The following AHCY variants were observed in gnomAD, a reference collection of about 807,000 sequenced individuals.
AHCY encodes the protein adenosylhomocysteinase.
AHCY carries 24 observed loss-of-function variants against 45.4 expected under a neutral mutation model. The ratio of observed to expected loss-of-function variants is 0.53; its 90% CI spans 0.38 to 0.74. AHCY has a LOEUF of 0.74. Ranked by LOEUF, AHCY falls within the 30% of genes least tolerant of loss-of-function variation. The pLI, the probability that AHCY is intolerant of heterozygous loss-of-function variation, is 0.00. For missense variants in AHCY, 449 were observed against 594.1 expected (o/e 0.76, Z 2.54); for synonymous variants, 245 against 235.1 (o/e 1.04, Z -0.39).
rs748415287 is a variant in AHCY, at chr20:34,290,662, G to C, written c.767-24C>G. On this transcript the variant is annotated intron_variant, in intron 6 of 9. Coordinates refer to ENST00000217426, the MANE Select transcript of AHCY (RefSeq NM_000687.4). The surrounding 1 kb of genome is among the most constrained non-coding windows in gnomAD (Gnocchi z 4.5). Reference sequence around the variant, plus strand: ...GCCTGTGCAGAGACAGTGGCTGTGGGTCATCTACGGTGGCCTTGCCCCTCC... The same window carrying C: ...GCCTGTGCAGAGACAGTGGCTGTGGCTCATCTACGGTGGCCTTGCCCCTCC... The C allele has an allele frequency of 8.7e-6, 14 of 1,613,882 alleles. No homozygotes were observed. The highest frequency in any genetic ancestry group is 1.1e-5 in the Non-Finnish European group (13 of 1,179,970).
rs867386336 is a variant in AHCY, at chr20:34,290,173, A to G, written c.972+159T>C. 1.3e-5 allele frequency among the ~76,000 whole-genome samples: 2 copies of G among 152,172 alleles called. No homozygotes were observed. Among genetic ancestry groups the G allele is most frequent in the Non-Finnish European group, 2.9e-5 (2 of 68,028 alleles). On this transcript the variant is annotated intron_variant, in intron 8 of 9. Transcript: ENST00000217426. The surrounding 1 kb of genome is among the most constrained non-coding windows in gnomAD (Gnocchi z 4.5). ...ACCTTCAGGGATGCCGGCTGCCCAC[A>G]GGATAAGGTTGCCACGTCTGGCTGG... is the stretch of plus-strand genomic sequence containing the variant.
rs1283367467 is a variant in AHCY, at chr20:34,291,340, TTCC to T, written c.558+76_558+78del. ...GGGCTTCATGTCCCTAATCTCAGCC[TTCC>T]TGGGCACTCTTCTTCAGAGGCCTCG... On this transcript the variant is annotated intron_variant, in intron 5 of 9. Coordinates refer to ENST00000217426, the MANE Select transcript of AHCY (RefSeq NM_000687.4). The T allele has an allele frequency of 4.5e-5, 61 of 1,342,610 alleles. No homozygotes were observed. The African/African-American group carries it at 8.3e-4, about 18-fold the overall frequency. The allele number at this position is 1,342,610 out of a possible 1,614,324, so 83.2% of individuals were successfully genotyped here.
chr20:34,243,296 T>A, the AHCY span, among the ~76,000 whole-genome samples: 20 of 152,318 alleles, frequency 1.3e-4, no homozygotes, highest in Admixed American at 1.0e-3. Flanking sequence ...CTGAAGCAGG[T>A]TGTCTACAGA....
chr20:34,310,759 C>T (rs2036939186), intron 1 of AHCY, among the ~76,000 whole-genome samples: 1 of 152,320 alleles, frequency 6.6e-6, no homozygotes. Flanking sequence ...TGGCCCAGTG[C>T]GATGGCCCAA....
chr20:34,262,715 G>A, the AHCY span: 9 of 1,114,474 alleles, frequency 8.1e-6, no homozygotes, highest in Admixed American at 3.6e-5. Flanking sequence ...CATCCAGCAC[G>A]CTTCTTCTCC....
chr20:34,262,714 C>A, the AHCY span: 26 of 1,101,590 alleles, frequency 2.4e-5, no homozygotes, highest in Non-Finnish European at 3.6e-5. Flanking sequence ...TCATCCAGCA[C>A]GCTTCTTCTC....
At chr20:34,289,215 C>T (rs2036287484) in intron 8 of AHCY, among the ~76,000 whole-genome samples, 1 of 152,076 alleles carries the variant, frequency 6.6e-6, no homozygotes, top group Non-Finnish European at 1.5e-5. Context: ...GCACTGTCAC[C>T]CAGGCTGGAG....
At chr20:34,254,362 C>T in the AHCY span, among the ~76,000 whole-genome samples, 4 of 152,232 alleles carry the variant, frequency 2.6e-5, no homozygotes, top group South Asian at 6.2e-4. Flanking sequence ...AGGGCCCGGC[C>T]TAGCATTATT....
At chr20:34,260,528 A>T in the AHCY span, 1 of 1,610,756 alleles carries the variant, frequency 6.2e-7, no homozygotes, top group South Asian at 1.1e-5. Flanking sequence ...TTCTGTCTCT[A>T]TTGTGGGTAA....
the AHCY span, among the ~76,000 whole-genome samples, chr20:34,256,458 AC>A: frequency 6.6e-6 from 1 of 151,988 alleles, no homozygotes; most frequent in African/African-American, 2.4e-5. Context: ...ACCCGATAAC[AC>A]CCGGCTAATT....
the AHCY span, among the ~76,000 whole-genome samples, chr20:34,267,731 A>G: frequency 6.6e-6 from 1 of 151,760 alleles, no homozygotes; most frequent in African/African-American, 2.4e-5. Flanking sequence ...GGGTTTCTCC[A>G]TGTCGGTCGG....
chr20:34,286,437 GA>G (rs1376269319), intron 8 of AHCY: 2 of 152,356 alleles, frequency 1.3e-5, no homozygotes. Flanking sequence ...TCTGAGGACA[GA>G]TCCCATGTTC....
chr20:34,251,842 G>A, the AHCY span, among the ~76,000 whole-genome samples: 1 of 152,122 alleles, frequency 6.6e-6, no homozygotes. Context: ...GATGATGGCT[G>A]TCTATGAAGA....
the AHCY span, among the ~76,000 whole-genome samples, chr20:34,259,124 G>A: frequency 6.6e-6 from 1 of 151,438 alleles, no homozygotes; most frequent in African/African-American, 2.4e-5. Context: ...GTGGGAGGAT[G>A]GCTTGAGCCT....
At chr20:34,281,549 A>G (rs1409059841) in intron 9 of AHCY, 1 of 343,238 alleles carries the variant, frequency 2.9e-6, no homozygotes, top group South Asian at 2.4e-5. Context: ...AAGGGTATCT[A>G]TCAATCTCAG....
At chr20:34,271,854 C>CCACA in the AHCY span, among the ~76,000 whole-genome samples, 1 of 152,154 alleles carries the variant, frequency 6.6e-6, no homozygotes, top group Non-Finnish European at 1.5e-5. Flanking sequence ...CTATGAGCCA[C>CCACA]CACACCCAGC....
the AHCY span, chr20:34,245,844 A>G: frequency 1.3e-6 from 1 of 776,050 alleles, no homozygotes; most frequent in Non-Finnish European, 1.6e-6. Flanking sequence ...ACTGTAGAAT[A>G]TATATATATT....
At chr20:34,293,816 C>T (rs2036482018) in intron 3 of AHCY, 5 of 534,372 alleles carry the variant, frequency 9.4e-6, no homozygotes, top group South Asian at 2.0e-5. Flanking sequence ...ACTTCCCCTC[C>T]GCTTCATCAT....
Position 34,280,935 on chromosome 20 carries a change from T to A in AHCY, c.*99A>T. 84 of 1,559,228 alleles carry A rather than the reference T, an allele frequency of 5.4e-5. No individual in the cohort carries two copies. Among genetic ancestry groups the A allele is most frequent in the Non-Finnish European group, 7.1e-5 (81 of 1,146,336 alleles). On this transcript the variant is annotated 3_prime_UTR_variant, in exon 10 of 10. Coordinates refer to ENST00000217426, the MANE Select transcript of AHCY (RefSeq NM_000687.4). Reference sequence around the variant, plus strand: ...GCCCCAGAGAGTCGATGGGGGACACTGACAAACCAATCACAAAGTTGGTGC... The same window carrying A: ...GCCCCAGAGAGTCGATGGGGGACACAGACAAACCAATCACAAAGTTGGTGC...
Sources: allele counts gnomAD v4.1 joint callset (sites outside exome capture counted in the v4.1 genomes callset), GRCh38; gene constraint gnomAD v4.1.1; non-coding constraint Gnocchi (gnomAD v3.1); transcripts MANE v1.5; gene names NCBI Gene and HGNC (gene_info 2026-07-23, HGNC 2026-07-21).